The following PEMT variants were observed in gnomAD, a reference collection of about 807,000 sequenced individuals.
PEMT encodes the protein phospholipid methyltransferase.
In PEMT, 23 loss-of-function variants were observed where a neutral mutation model predicts 27.4. The ratio of observed to expected loss-of-function variants is 0.84; its 90% CI spans 0.60 to 1.19. The LOEUF (loss-of-function observed/expected upper bound fraction) is 1.19, where lower values mean the gene tolerates loss of function less well. Ranked by LOEUF, PEMT falls within the 50% of genes most tolerant of loss-of-function variation. PEMT has a pLI of 0.00. For synonymous variants in PEMT, 137 were observed against 139.1 expected (o/e 0.98, Z 0.11); for missense variants, 307 against 310.1 (o/e 0.99, Z 0.07).
intron 2 of PEMT, among the ~76,000 whole-genome samples, chr17:17,526,444 C>T (rs1485390183): frequency 6.6e-6 from 1 of 152,240 alleles, no homozygotes; most frequent in Admixed American, 6.5e-5. Flanking sequence ...GTACCCCCCA[C>T]CCCGATCCCC....
intron 4 of PEMT, among the ~76,000 whole-genome samples, chr17:17,511,011 C>T (rs539287976): frequency 1.3e-3 from 192 of 152,274 alleles, no homozygotes; most frequent in African/African-American, 4.4e-3. Context: ...CTGGCTCCAT[C>T]GGTCCAACCT....
At chr17:17,535,602 A>T (rs1184076595) in intron 2 of PEMT, among the ~76,000 whole-genome samples, 1 of 152,142 alleles carries the variant, frequency 6.6e-6, no homozygotes, top group African/African-American at 2.4e-5. Context: ...TGTTAGAGAT[A>T]CATTCTGCAT....
intron 2 of PEMT, among the ~76,000 whole-genome samples, chr17:17,537,207 C>A (rs911625699): frequency 6.6e-6 from 1 of 152,190 alleles, no homozygotes; most frequent in Non-Finnish European, 1.5e-5. Context: ...AAGGAGGGAG[C>A]CAGCATGCTC....
intron 2 of PEMT, among the ~76,000 whole-genome samples, chr17:17,552,073 G>C (rs913314783): frequency 6.6e-6 from 1 of 152,106 alleles, no homozygotes; most frequent in African/African-American, 2.4e-5. Flanking sequence ...ACGGTGGTGC[G>C]TGCCTGTAAT....
At chr17:17,514,106 C>T (rs1597874196) in intron 3 of PEMT, among the ~76,000 whole-genome samples, 1 of 152,312 alleles carries the variant, frequency 6.6e-6, no homozygotes, top group South Asian at 2.1e-4. Context: ...TCCATCCATC[C>T]ACCATGAAGT....
At chr17:17,544,722 A>G (rs1909131749) in intron 2 of PEMT, among the ~76,000 whole-genome samples, 1 of 152,248 alleles carries the variant, frequency 6.6e-6, no homozygotes, top group South Asian at 2.1e-4. Context: ...AACAGAAAAG[A>G]CGTTTCAAAA....
intron 1 of PEMT, among the ~76,000 whole-genome samples, chr17:17,579,921 C>T (rs190104511): frequency 6.6e-6 from 1 of 152,346 alleles, no homozygotes; most frequent in Admixed American, 6.5e-5. Context: ...CTGGGAACTG[C>T]GCAGTGCCTG....
intron 2 of PEMT, among the ~76,000 whole-genome samples, chr17:17,525,518 TGA>T (rs1356837582): frequency 6.6e-6 from 1 of 152,242 alleles, no homozygotes; most frequent in Admixed American, 6.5e-5. Context: ...GCCATGCATG[TGA>T]GCCCTTAGTA....
At chr17:17,516,185 G>A (rs561560213) in intron 3 of PEMT, among the ~76,000 whole-genome samples, 54 of 151,958 alleles carry the variant, frequency 3.6e-4, no homozygotes, top group Non-Finnish European at 7.2e-4. Context: ...CCCAGGCTTG[G>A]AGTGACTCGC....
chr17:17,591,698 G>A lies in PEMT; in HGVS notation c.-72C>T, dbSNP rs528508001. On this transcript the variant is annotated 5_prime_UTR_variant, in exon 1 of 7. Transcript: ENST00000255389. ...GCGCCCCCGGAACCGGACCTATAGA[G>A]CCGGGTAAGTGCCGCCAGTCGGGGC... 2.0e-6 allele frequency: 3 copies of A among 1,534,326 alleles called. No homozygotes were observed. In the African/African-American group the frequency reaches 4.2e-5, roughly 21 times the overall value.
chr17:17,591,322 C>A (rs1231714174), intron 1 of PEMT: 3 of 557,654 alleles, frequency 5.4e-6, no homozygotes, highest in Non-Finnish European at 9.6e-6. Flanking sequence ...CACACGCAAT[C>A]TGAGGTTTAC....
chr17:17,555,608 T>C (rs1197093150), intron 2 of PEMT, among the ~76,000 whole-genome samples: 2 of 152,334 alleles, frequency 1.3e-5, no homozygotes, highest in South Asian at 2.1e-4. Flanking sequence ...CCAGGACCTA[T>C]GCTGGTGCTT....
chr17:17,587,641 T>C (rs1044810908), intron 1 of PEMT, among the ~76,000 whole-genome samples: 1 of 152,050 alleles, frequency 6.6e-6, no homozygotes, highest in Non-Finnish European at 1.5e-5. Flanking sequence ...GGTGGGTGGA[T>C]CACTTAAGGT....
At chr17:17,528,096 C>T (rs1567685417) in intron 2 of PEMT, among the ~76,000 whole-genome samples, 1 of 152,218 alleles carries the variant, frequency 6.6e-6, no homozygotes, top group Non-Finnish European at 1.5e-5. Context: ...ACGAGCTTTG[C>T]CAAGGGCCCA....
chr17:17,565,701 G>A (rs1023876232), intron 2 of PEMT, among the ~76,000 whole-genome samples: 2 of 152,264 alleles, frequency 1.3e-5, no homozygotes, highest in African/African-American at 4.8e-5. Context: ...ATCAGCTCCT[G>A]AGTCTCAAGC....
In PEMT at chr17:17,513,974, A is replaced by G. The variant is rs906185430; in HGVS notation, c.321-1320T>C. On this transcript the variant is annotated intron_variant, in intron 3 of 6. Coordinates refer to ENST00000255389, the MANE Select transcript of PEMT (RefSeq NM_148172.3). The surrounding 1 kb of genome is among the most constrained non-coding windows in gnomAD (Gnocchi z 4.1). ...CATCTCCCAGCAGGGCCAGCTTACC[A>G]TCCACCCCACCACCCATCCTTCCTC... 2.0e-5 allele frequency among the ~76,000 whole-genome samples: 3 copies of G among 152,098 alleles called. No homozygotes were observed. Among genetic ancestry groups the G allele is most frequent in the African/African-American group, 7.2e-5 (3 of 41,414 alleles).
At chr17:17,557,698 C>T (rs1910156702) in intron 2 of PEMT, among the ~76,000 whole-genome samples, 4 of 152,206 alleles carry the variant, frequency 2.6e-5, no homozygotes, top group Admixed American at 2.6e-4. Context: ...GGGCCCAAGC[C>T]AGCACCAAGG....
chr17:17,518,283 G>A (rs1412912222), intron 3 of PEMT: 5 of 408,658 alleles, frequency 1.2e-5, no homozygotes, highest in East Asian at 1.6e-4. Flanking sequence ...GGCCATCCAC[G>A]CCTCGCCCAC....
intron 2 of PEMT, among the ~76,000 whole-genome samples, chr17:17,576,665 G>A (rs768800085): frequency 9.9e-5 from 15 of 152,194 alleles, no homozygotes; most frequent in Non-Finnish European, 2.1e-4. Context: ...AGGTTCTTGT[G>A]AGGGTAGGAG....
Sources: gnomAD v4.1 joint callset for allele counts (sites outside exome capture counted in the v4.1 genomes callset) on GRCh38, gnomAD v4.1.1 for gene constraint, Gnocchi (gnomAD v3.1) non-coding constraint, MANE v1.5 for transcripts, NCBI Gene and HGNC (gene_info 2026-07-23, HGNC 2026-07-21) for gene names.